SLC26A3: variants seen among roughly 807,000 people sequenced by gnomAD.
SLC26A3 encodes solute carrier family 26 member 3, also known as chloride anion exchanger.
In SLC26A3, 64 loss-of-function variants were observed where a neutral mutation model predicts 85.6. That is an observed-to-expected ratio of 0.75 (90% confidence interval 0.61 to 0.92). The LOEUF (loss-of-function observed/expected upper bound fraction) is 0.92, where lower values mean the gene tolerates loss of function less well. Ranked by LOEUF, SLC26A3 falls within the 40% of genes least tolerant of loss-of-function variation. The pLI is 0.00. For synonymous variants in SLC26A3, 349 were observed against 336.0 expected (o/e 1.04, Z -0.42); for missense variants, 922 against 927.3 (o/e 0.99, Z 0.07).
chr7:107,794,856 A>C (rs1398099075), intron 1 of SLC26A3, among the ~76,000 whole-genome samples: 2 of 152,176 alleles, frequency 1.3e-5, no homozygotes, highest in Non-Finnish European at 2.9e-5. Context: ...TCAATTAGTC[A>C]ATTTTTTACT....
intron 12 of SLC26A3, 129 bp downstream of exon 12, chr7:107,779,535 AAACT>A (rs1471861005): frequency 1.6e-5 from 12 of 742,554 alleles, no homozygotes; most frequent in Admixed American, 1.2e-4. Flanking sequence ...CAAATAAAAC[AAACT>A]AAGGTTTTTT....
At chr7:107,796,768 C>A (rs957291552) in intron 1 of SLC26A3, among the ~76,000 whole-genome samples, 5 of 133,834 alleles carry the variant, frequency 3.7e-5, no homozygotes, top group Non-Finnish European at 8.0e-5. Context: ...AAGGAACCAA[C>A]CTAGCCAACC....
rs776903798 is a variant in SLC26A3 at position 107,787,527 on chromosome 7, A to G, written c.736-18T>C. ...TATAGTACCTACAATTATAAAAACA[A>G]AAACCACCAAAGCCCTATATTAATG... is the stretch of plus-strand genomic sequence containing the variant. On this transcript the variant is annotated intron_variant, in intron 6 of 20. Transcript: ENST00000340010. 3.7e-6 allele frequency: 6 copies of G among 1,607,950 alleles called. No homozygotes were observed. In the Admixed American group the frequency reaches 8.4e-5, roughly 22 times the overall value.
chr7:107,793,207 A>G (rs1301361097), intron 3 of SLC26A3, among the ~76,000 whole-genome samples: 1 of 152,222 alleles, frequency 6.6e-6, no homozygotes, highest in Non-Finnish European at 1.5e-5. Context: ...ATATAGAGTT[A>G]CCCTATGATC....
Position 107,774,125 on chromosome 7 carries a change from A to T in SLC26A3, c.1802T>A (p.Ile601Lys). The T allele has an allele frequency of 6.2e-7, 1 of 1,614,106 alleles. No homozygotes were observed. The highest frequency in any genetic ancestry group is 8.5e-7 in the Non-Finnish European group (1 of 1,179,952). The change falls in exon 17 of 21, where the codon ATA becomes AAA. Residue 601 changes from isoleucine (I) to lysine (K), a missense_variant. Physicochemically the swap from Ile to Lys is moderately radical, Grantham distance 102 (BLOSUM62 -3). Coordinates refer to ENST00000340010, the MANE Select transcript of SLC26A3 (RefSeq NM_000111.3). The part of the protein sequence containing the change: ...PKGFICTVDT[I>K]KDSDEELDNN... ...GTCCAGCTCTTCGTCAGAATCTTTT[A>T]TGGTGTCAACAGTACATATAAATCC... is the stretch of plus-strand genomic sequence containing the variant.
At chr7:107,784,370 T>C (rs1265112588) in intron 8 of SLC26A3, among the ~76,000 whole-genome samples, 1 of 152,210 alleles carries the variant, frequency 6.6e-6, no homozygotes, top group Non-Finnish European at 1.5e-5. Context: ...GTCTAAAGAC[T>C]TGGGTTCATT....
rs1174900401 is a variant in SLC26A3, at chr7:107,787,638, T to C, written c.736-129A>G. 36 of 772,378 alleles carry C rather than the reference T, an allele frequency of 4.7e-5. No individual in the cohort carries two copies. The East Asian group carries it at 8.8e-4, about 19-fold the overall frequency. The allele number at this position is 772,378 out of a possible 1,614,324, so 47.8% of individuals were successfully genotyped here. On this transcript the variant is annotated intron_variant, in intron 6 of 20. Coordinates refer to ENST00000340010, the MANE Select transcript of SLC26A3 (RefSeq NM_000111.3). ...GATAGAGACTGATAGTGATTTCCTG[T>C]ATTGCCCCGGTTTAATTGTGAATGT...
intron 17 of SLC26A3, among the ~76,000 whole-genome samples, 181 bp downstream of exon 17, chr7:107,773,739 C>CA (rs1365918999): frequency 2.0e-5 from 3 of 152,146 alleles, no homozygotes; most frequent in Non-Finnish European, 4.4e-5. Context: ...TTAGTAGAGA[C>CA]GGGGCTTCGC....
intron 8 of SLC26A3, among the ~76,000 whole-genome samples, chr7:107,786,621 A>G (rs1794299926): frequency 1.3e-5 from 2 of 151,702 alleles, no homozygotes; most frequent in African/African-American, 4.8e-5. Context: ...GCGAAAAAAA[A>G]AAAAAAAGAA....
In SLC26A3 at chr7:107,802,075, G is replaced by C. The variant is rs1319680923; in HGVS notation, c.-89+1036C>G. Among the ~76,000 whole-genome samples, 7 of 143,820 alleles carry C rather than the reference G, an allele frequency of 4.9e-5. No homozygotes were observed. In the East Asian group the frequency reaches 1.4e-3, roughly 29 times the overall value. 94.4% of individuals were successfully genotyped at this position (143,820 alleles called of 152,430 possible). On this transcript the variant is annotated intron_variant, in intron 1 of 20. Coordinates refer to ENST00000340010, the MANE Select transcript of SLC26A3 (RefSeq NM_000111.3). ...CCACTGCACTCCAGCCTGGGCGACA[G>C]AGTGAGAATCCGTCTCAGAAAAAAA...
intron 20 of SLC26A3, among the ~76,000 whole-genome samples, chr7:107,766,489 A>G (rs552975015): frequency 6.6e-6 from 1 of 152,284 alleles, no homozygotes; most frequent in Non-Finnish European, 1.5e-5. Flanking sequence ...CCTGGGAGAC[A>G]GAATCATGGT....
chr7:107,799,516 G>A (rs962038303), intron 1 of SLC26A3, among the ~76,000 whole-genome samples: 12 of 152,164 alleles, frequency 7.9e-5, no homozygotes, highest in African/African-American at 2.6e-4. Context: ...TCAGCCTCCC[G>A]AGTAGCTGGG....
At chr7:107,787,222 C>G (rs1794311858) in intron 7 of SLC26A3, 135 bp downstream of exon 7, 2 of 882,888 alleles carry the variant, frequency 2.3e-6, no homozygotes, top group African/African-American at 3.4e-5. Flanking sequence ...AAAATAAAAC[C>G]ATGCTAAACA....
chr7:107,791,282 C>T (rs1794397249), intron 4 of SLC26A3, 47 bp from the exon 5 acceptor site: 5 of 1,564,066 alleles, frequency 3.2e-6, no homozygotes, highest in Admixed American at 3.3e-5. Context: ...CTCTCTAAAG[C>T]ACATTGTCTT....
At chr7:107,801,535 C>T (rs1794598903) in intron 1 of SLC26A3, among the ~76,000 whole-genome samples, 1 of 152,152 alleles carries the variant, frequency 6.6e-6, no homozygotes, top group African/African-American at 2.4e-5. Flanking sequence ...AATCAAAGAC[C>T]TTTATTGTAG....
At chr7:107,799,816 G>A (rs776291264) in intron 1 of SLC26A3, among the ~76,000 whole-genome samples, 4 of 152,212 alleles carry the variant, frequency 2.6e-5, no homozygotes, top group Admixed American at 6.5e-5. Context: ...AGTCTCAGAA[G>A]TGAGTTAAAT....
intron 3 of SLC26A3, among the ~76,000 whole-genome samples, chr7:107,792,751 TC>T (rs1333468807): frequency 1.3e-5 from 2 of 152,074 alleles, no homozygotes; most frequent in Admixed American, 1.3e-4. Context: ...CTGGACTTAA[TC>T]ACAATTTAAA....
intron 1 of SLC26A3, among the ~76,000 whole-genome samples, chr7:107,800,067 T>C (rs1301486839): frequency 1.3e-5 from 2 of 152,260 alleles, no homozygotes; most frequent in Non-Finnish European, 2.9e-5. Flanking sequence ...TCTCACAAGC[T>C]TCTTCACTCC....
intron 20 of SLC26A3, 115 bp downstream of exon 20, chr7:107,767,464 A>G (rs565389739): frequency 2.6e-6 from 2 of 782,302 alleles, no homozygotes; most frequent in Non-Finnish European, 4.5e-6. Flanking sequence ...GATGAGGCAC[A>G]GAGGCTCAAG....
Sources: allele counts gnomAD v4.1 joint callset (sites outside exome capture counted in the v4.1 genomes callset), GRCh38; gene constraint gnomAD v4.1.1; transcripts MANE v1.5; gene names NCBI Gene and HGNC (gene_info 2026-07-23, HGNC 2026-07-21).